Variants in ESPL1 observed in about 807,000 individuals in gnomAD.
The protein encoded by ESPL1 is separin.
A neutral mutation model predicts 217.2 loss-of-function variants in ESPL1; 50 were observed. The observed-to-expected ratio is 0.23, with a 90% confidence interval of 0.18 to 0.29. The LOEUF (loss-of-function observed/expected upper bound fraction) is 0.29. Ranked by LOEUF, ESPL1 falls within the 10% of genes least tolerant of loss-of-function variation. The pLI is 1.00. For synonymous variants in ESPL1, 994 were observed against 1,081.3 expected (o/e 0.92, Z 1.58); for missense variants, 1,834 against 2,603.0 (o/e 0.70, Z 6.43).
Position 53,269,020 on chromosome 12 carries a change from C to T in ESPL1, c.82-4C>T. On this transcript the variant is annotated splice_region_variant and splice_polypyrimidine_tract_variant and intron_variant, in intron 2 of 30. Coordinates refer to ENST00000257934, the MANE Select transcript of ESPL1 (RefSeq NM_012291.5). This position sits in a 1 kb window ranked among gnomAD's most constrained non-coding sequence, Gnocchi z 6.7. ...GCCCCATTCATATCTTTCTCTACTC[C>T]TAGGAGTTCCTGTCCAACCCTCCAG... 6.2e-7 allele frequency: 1 copy of T among 1,608,202 alleles called. No individual in the cohort carries two copies.
At chr12:53,270,314 A>T (rs950778931) in intron 3 of ESPL1, 64 bp from the exon 4 acceptor site, 22 of 1,216,062 alleles carry the variant, frequency 1.8e-5, no homozygotes, top group Non-Finnish European at 2.7e-5. Context: ...ACTCCGGGTC[A>T]GTCTTCAGCT....
chr12:53,288,466 G>A, intron 19 of ESPL1, 72 bp from the exon 20 acceptor site: 1 of 1,532,762 alleles, frequency 6.5e-7, no homozygotes, highest in Non-Finnish European at 8.8e-7. Flanking sequence ...TAAGGGAGTG[G>A]ATTACAGAAG....
chr12:53,286,760 G>A lies in ESPL1; in HGVS notation c.4024G>A (p.Gly1342Arg), dbSNP rs186027426. Residue 1342 changes from glycine (G) to arginine (R), a missense_variant, in exon 18 of 31, where the codon GGA becomes AGA. Coordinates refer to ENST00000257934, the MANE Select transcript of ESPL1 (RefSeq NM_012291.5). This position sits in a 1 kb window ranked among gnomAD's most constrained non-coding sequence, Gnocchi z 5.3. ...CTCTCAGAAAGGTCTGGAAGGTAGA[G>A]GACTGCCCTGCACACCTAAACCCCC... ...NTSQKGLEGRGLPCTPKPPDR... is the reference protein window; with the variant it reads ...NTSQKGLEGRRLPCTPKPPDR... The A allele has an allele frequency of 1.2e-6, 2 of 1,614,166 alleles. No individual in the cohort carries two copies. Among genetic ancestry groups the A allele is most frequent in the African/African-American group, 1.3e-5 (1 of 75,060 alleles).
intron 1 of ESPL1, 155 bp downstream of exon 1, chr12:53,268,532 G>A: frequency 1.9e-6 from 1 of 532,662 alleles, no homozygotes; most frequent in East Asian, 3.3e-5. Flanking sequence ...GAGGCCTCTG[G>A]GGTAGCGCGG....
chr12:53,278,891 C>T lies in ESPL1; in HGVS notation c.2365-841C>T, dbSNP rs973217291. On this transcript the variant is annotated intron_variant, in intron 11 of 30. Coordinates refer to ENST00000257934, the MANE Select transcript of ESPL1 (RefSeq NM_012291.5). ...GTGAGCCACCGCACCCAGCTTTCCG[C>T]CCCGCCCCCCCGCCGAGATAGAGTC... Among the ~76,000 whole-genome samples the T allele has an allele frequency of 7.3e-5, 11 of 151,044 alleles. No individual in the cohort carries two copies. In the East Asian group the frequency reaches 1.2e-3, roughly 16 times the overall value.
intron 12 of ESPL1, 38 bp from the exon 13 acceptor site, chr12:53,281,469 G>A (rs766855334): frequency 4.3e-5 from 69 of 1,605,114 alleles, no homozygotes; most frequent in Non-Finnish European, 5.8e-5. Flanking sequence ...GAAGAGCCTG[G>A]CTGCCTTTCC....
chr12:53,289,612 T>C lies in ESPL1; in HGVS notation c.5113+18T>C, dbSNP rs774967966. 1.9e-6 allele frequency: 3 copies of C among 1,607,006 alleles called. No homozygotes were observed. Among genetic ancestry groups the C allele is most frequent in the East Asian group, 2.2e-5 (1 of 44,796 alleles). ...CCCCAGTGGTATGCGGGCAGCCTTC[T>C]GGCCGGCTCCTCTGTCCTCTTCTGC... On this transcript the variant is annotated intron_variant, in intron 22 of 30. Coordinates refer to ENST00000257934, the MANE Select transcript of ESPL1 (RefSeq NM_012291.5).
At chr12:53,281,174 G>A (rs887434718) in intron 12 of ESPL1, among the ~76,000 whole-genome samples, 1 of 106,612 alleles carries the variant, frequency 9.4e-6, no homozygotes, top group African/African-American at 3.7e-5. Context: ...GTCTCACTCT[G>A]TTGCCCAGGC....
rs201728652 is a variant in ESPL1 at position 53,272,906 on chromosome 12, C to T, written c.1506+49C>T. On this transcript the variant is annotated intron_variant, in intron 6 of 30. Coordinates refer to ENST00000257934, the MANE Select transcript of ESPL1 (RefSeq NM_012291.5). ...GAAAGGAGCTTATGTGGTTGGGGAGCGGGGGGAGCGGGGAAGGGCCTCACC... is the reference window on the plus strand; with the variant it reads ...GAAAGGAGCTTATGTGGTTGGGGAGTGGGGGGAGCGGGGAAGGGCCTCACC... 312 of 1,595,064 alleles carry T rather than the reference C, an allele frequency of 2.0e-4. 1 individual carries two copies. The Middle Eastern group carries it at 2.0e-3, about 10-fold the overall frequency.
chr12:53,282,497 C>T lies in ESPL1; in HGVS notation c.2791+62C>T. Reference sequence around the variant, plus strand: ...ATGTATGGTCTGTCTGCTGTCAGCTCTTCTCAAACCTCATCCCCTCTGCTG... The same window carrying T: ...ATGTATGGTCTGTCTGCTGTCAGCTTTTCTCAAACCTCATCCCCTCTGCTG... On this transcript the variant is annotated intron_variant, in intron 14 of 30. Transcript: ENST00000257934. This position sits in a 1 kb window ranked among gnomAD's most constrained non-coding sequence, Gnocchi z 4.0. 6.8e-7 allele frequency: 1 copy of T among 1,467,316 alleles called. No homozygotes were observed. 90.9% of individuals were successfully genotyped at this position (1,467,316 alleles called of 1,614,324 possible).
In ESPL1 at chr12:53,289,645, T is replaced by C. The variant is rs558515689; in HGVS notation, c.5113+51T>C. Reference sequence around the variant, plus strand: ...TCCTCTGTCCTCTTCTGCATCTTCTTACTTGGGAGCTGGGTGAAGGAGTTT... The same window carrying C: ...TCCTCTGTCCTCTTCTGCATCTTCTCACTTGGGAGCTGGGTGAAGGAGTTT... On this transcript the variant is annotated intron_variant, in intron 22 of 30. Transcript: ENST00000257934. 6 of 1,502,560 alleles carry C rather than the reference T, an allele frequency of 4.0e-6. No individual in the cohort carries two copies. The African/African-American group carries it at 5.6e-5, about 14-fold the overall frequency. The allele number at this position is 1,502,560 out of a possible 1,614,324, so 93.1% of individuals were successfully genotyped here. A position where few individuals can be genotyped will look rare whatever the true frequency, so the allele number is the denominator to read the frequency against.
At chr12:53,271,564 G>A (rs1443775720) in intron 5 of ESPL1, among the ~76,000 whole-genome samples, 1 of 151,804 alleles carries the variant, frequency 6.6e-6, no homozygotes, top group African/African-American at 2.4e-5. Flanking sequence ...GGTAGGCTGA[G>A]GCAGGAGAGT....
intron 6 of ESPL1, 41 bp downstream of exon 6, chr12:53,272,898 TTGGGGAGCG>T (rs1565752430): frequency 2.5e-6 from 4 of 1,607,182 alleles, no homozygotes; most frequent in Non-Finnish European, 3.4e-6. Flanking sequence ...GCTTATGTGG[TTGGGGAGCG>T]GGGGGAGCGG....
At chr12:53,291,472 T>C (rs1475259886) in intron 25 of ESPL1, among the ~76,000 whole-genome samples, 1 of 151,784 alleles carries the variant, frequency 6.6e-6, no homozygotes, top group Non-Finnish European at 1.5e-5. Context: ...ATGCCTGTAG[T>C]CCGAGCTACT....
At chr12:53,270,114 G>A (rs142735714) in intron 3 of ESPL1, 29 bp downstream of exon 3, 1 of 1,561,288 alleles carries the variant, frequency 6.4e-7, no homozygotes, top group South Asian at 1.2e-5. Context: ...GGTAGGGTGG[G>A]GACGTGGTCT....
At position 53,286,650 on chromosome 12, in the gene ESPL1, C is replaced by T. The variant is rs766055641; in HGVS notation, c.3914C>T (p.Ser1305Leu). ...QPPLIKSVPG[S>L]EPSKTQGQKR... is the part of the protein sequence containing the mutation. ...CCATTAATAAAAAGTGTCCCTGGCT[C>T]AGAGCCCTCTAAGACTCAGGGCCAA... Residue 1305 changes from serine (S) to leucine (L), a missense_variant, in exon 18 of 31, where the codon TCA (serine) becomes TTA (leucine). Coordinates refer to ENST00000257934, the MANE Select transcript of ESPL1 (RefSeq NM_012291.5). This position sits in a 1 kb window ranked among gnomAD's most constrained non-coding sequence, Gnocchi z 5.3. The T allele has an allele frequency of 3.7e-6, 6 of 1,614,040 alleles. No homozygotes were observed. Among genetic ancestry groups the T allele is most frequent in the South Asian group, 3.3e-5 (3 of 91,084 alleles).
chr12:53,277,568 C>A lies in ESPL1; in HGVS notation c.2184C>A (p.Phe728Leu). ...NYEDKLQEDR[F>L]LYSNIAFNLA... ...AAGATAAACTCCAGGAAGATCGTTT[C>A]CTATACAGTAACATTGCCTTCAACC... The change falls in exon 10 of 31, where the codon TTC becomes TTA. Residue 728 changes from phenylalanine to leucine, a missense_variant. Physicochemically the swap from Phe to Leu is conservative, Grantham distance 22. Around this residue, in one of 5 missense-constraint regions of ESPL1, gnomAD observed 746 missense variants for 1,077.0 expected, o/e 0.69. Coordinates refer to ENST00000257934, the MANE Select transcript of ESPL1 (RefSeq NM_012291.5). 1.2e-6 allele frequency: 2 copies of A among 1,614,134 alleles called. No individual in the cohort carries two copies. Among genetic ancestry groups the A allele is most frequent in the Non-Finnish European group, 1.7e-6 (2 of 1,180,016 alleles).
chr12:53,286,102 T>A lies in ESPL1; in HGVS notation c.3366T>A (p.Ser1122=). ...AGGAGCCTGGCCCCATAGCACCTTC[T>A]ACAAACTCCTCCCCAGTCTTGAAAA... The part of the protein sequence containing the change: ...VAKEPGPIAP[S]TNSSPVLKTK... The change falls in exon 18 of 31, where the codon TCT becomes TCA. Residue 1122 remains serine, a synonymous_variant. Coordinates refer to ENST00000257934, the MANE Select transcript of ESPL1 (RefSeq NM_012291.5). The surrounding 1 kb of genome is among the most constrained non-coding windows in gnomAD (Gnocchi z 5.3). The A allele has an allele frequency of 6.2e-7, 1 of 1,613,390 alleles. No individual in the cohort carries two copies. Among genetic ancestry groups the A allele is most frequent in the South Asian group, 1.1e-5 (1 of 91,070 alleles).
chr12:53,270,622 A>G, intron 4 of ESPL1, 56 bp from the exon 5 acceptor site: 1 of 1,611,630 alleles, frequency 6.2e-7, no homozygotes, highest in Non-Finnish European at 8.5e-7. Context: ...AGTGCGGTGG[A>G]GGTCATCTTG....
Sources: gnomAD v4.1 joint callset for allele counts (sites outside exome capture counted in the v4.1 genomes callset) on GRCh38, gnomAD v4.1.1 for gene constraint, gnomAD v4.1.1 regional missense constraint, Gnocchi (gnomAD v3.1) non-coding constraint, MANE v1.5 for transcripts, NCBI Gene and HGNC (gene_info 2026-07-23, HGNC 2026-07-21) for gene names.